The following CNBD1 variants were observed in gnomAD, a reference collection of about 807,000 sequenced individuals.
CNBD1 encodes the protein cyclic nucleotide-binding domain-containing protein 1.
In CNBD1, 71 loss-of-function variants were observed where a neutral mutation model predicts 54.4. The observed-to-expected ratio is 1.30, with a 90% CI of 1.08 to 1.59. The LOEUF is 1.59. Ranked by LOEUF, CNBD1 falls within the 40% of genes most tolerant of loss-of-function variation. The pLI is 0.00. For missense variants in CNBD1, 659 were observed against 518.0 expected, an observed-to-expected ratio of 1.27 and a Z score of -2.64; for synonymous variants, 182 against 170.7, an observed-to-expected ratio of 1.07 and a Z score of -0.51.
At chr8:87,408,787 C>A (rs368701559) in intron 2 of CNBD1, among the ~76,000 whole-genome samples, 45 of 152,164 alleles carry the variant, frequency 3.0e-4, no homozygotes, top group South Asian at 2.1e-3. Context: ...ATTATTACAT[C>A]TTTTATCGTG....
At chr8:86,874,388 A>T (rs1808484669) in intron 1 of CNBD1, among the ~76,000 whole-genome samples, 1 of 152,252 alleles carries the variant, frequency 6.6e-6, no homozygotes, top group African/African-American at 2.4e-5. Context: ...CACAGGAGTT[A>T]TTTCATGTTC....
intron 6 of CNBD1, among the ~76,000 whole-genome samples, chr8:87,276,665 A>G (rs1032158532): frequency 6.6e-6 from 1 of 151,894 alleles, no homozygotes; most frequent in Non-Finnish European, 1.5e-5. Context: ...AAAGCTGAAT[A>G]ACACCAAATT....
intron 8 of CNBD1, among the ~76,000 whole-genome samples, chr8:87,321,763 G>A (rs1336960824): frequency 6.6e-6 from 1 of 150,490 alleles, no homozygotes; most frequent in African/African-American, 2.4e-5. Context: ...AGAAATCATT[G>A]CCAAGACCAA....
intron 2 of CNBD1, among the ~76,000 whole-genome samples, chr8:87,428,052 C>A (rs983738817): frequency 7.9e-5 from 12 of 151,530 alleles, no homozygotes; most frequent in Non-Finnish European, 1.2e-4. Context: ...TCATACATGC[C>A]CATACTTAAA....
At chr8:86,870,189 C>CCTTTTTTTTTTTTTTTTTTTTT (rs1554626453) in intron 1 of CNBD1, among the ~76,000 whole-genome samples, 2 of 100,602 alleles carry the variant, frequency 2.0e-5, no homozygotes, top group East Asian at 3.2e-4. Context: ...AGATAGTACT[C>CCTTTTTTTTTTTTTTTTTTTTT]TTTTTTTTTT....
At chr8:87,246,077 TC>T (rs1245785915) in intron 6 of CNBD1, among the ~76,000 whole-genome samples, 52 of 152,122 alleles carry the variant, frequency 3.4e-4, no homozygotes, top group Admixed American at 9.2e-4. Context: ...CCGATTGTTT[TC>T]AGTTTTGGTG....
chr8:86,940,456 G>A (rs6468566), intron 4 of CNBD1, among the ~76,000 whole-genome samples: 45,557 of 151,910 alleles, frequency 0.3, 7,070 homozygotes, highest in East Asian at 0.38. Context: ...GTGAGCTTCC[G>A]CACCCGGCCC....
At chr8:87,257,206 T>C (rs994942864) in intron 6 of CNBD1, among the ~76,000 whole-genome samples, 6 of 135,300 alleles carry the variant, frequency 4.4e-5, no homozygotes, top group Admixed American at 7.1e-5. Context: ...CTGTCTCTAC[T>C]AAAAATAAAA....
chr8:87,122,754 TC>T (rs1482879416), intron 4 of CNBD1, among the ~76,000 whole-genome samples: 1 of 151,836 alleles, frequency 6.6e-6, no homozygotes, highest in African/African-American at 2.4e-5. Flanking sequence ...GAGATAAAGG[TC>T]CAATTTCATT....
rs976636758 is a variant in CNBD1, at chr8:87,382,677, A to T, written c.*50A>T. On this transcript the variant is annotated 3_prime_UTR_variant, in exon 11 of 11. Coordinates refer to ENST00000518476, the MANE Select transcript of CNBD1 (RefSeq NM_173538.3). ...TTAATTAAGAAAGTATTGACTAAATAATGGAATAATTGCATTCTGGAATAC... is the reference window on the plus strand; with the variant it reads ...TTAATTAAGAAAGTATTGACTAAATTATGGAATAATTGCATTCTGGAATAC... 7.3e-7 allele frequency: 1 copy of T among 1,362,224 alleles called. No homozygotes were observed. The highest frequency in any genetic ancestry group is 1.0e-6 in the Non-Finnish European group (1 of 981,322). 84.4% of individuals were successfully genotyped at this position (1,362,224 alleles called of 1,614,324 possible). A position where few individuals can be genotyped will look rare whatever the true frequency, so the allele number is the denominator to read the frequency against.
chr8:87,390,885 T>C (rs957329510), intron 2 of CNBD1, among the ~76,000 whole-genome samples: 3 of 152,156 alleles, frequency 2.0e-5, no homozygotes, highest in Admixed American at 2.0e-4. Context: ...ATATGGCACA[T>C]ATACACTATG....
chr8:87,358,975 T>G (rs2130934755), intron 10 of CNBD1, among the ~76,000 whole-genome samples: 1 of 152,266 alleles, frequency 6.6e-6, no homozygotes, highest in South Asian at 2.1e-4. Context: ...TGTTGGTGGA[T>G]TTTCCTTAAT....
At chr8:87,365,762 G>T (rs1007777918) in intron 10 of CNBD1, among the ~76,000 whole-genome samples, 1 of 151,956 alleles carries the variant, frequency 6.6e-6, no homozygotes, top group Non-Finnish European at 1.5e-5. Flanking sequence ...ATGGGTTTAT[G>T]CATGCCTCTA....
At chr8:87,339,741 C>T (rs1810027192) in intron 8 of CNBD1, among the ~76,000 whole-genome samples, 2 of 151,998 alleles carry the variant, frequency 1.3e-5, no homozygotes, top group Admixed American at 1.3e-4. Context: ...ATAGTTATAA[C>T]TGTCTATTTA....
intron 2 of CNBD1, among the ~76,000 whole-genome samples, chr8:86,894,857 T>G (rs1229623612): frequency 6.6e-6 from 1 of 152,212 alleles, no homozygotes; most frequent in Non-Finnish European, 1.5e-5. Context: ...TATCAGAGAT[T>G]AGATAATTTA....
chr8:87,379,926 A>G (rs1370571651), intron 10 of CNBD1, among the ~76,000 whole-genome samples: 2 of 151,894 alleles, frequency 1.3e-5, no homozygotes, highest in African/African-American at 4.8e-5. Flanking sequence ...AAATATGACC[A>G]AATGATTTAC....
intron 6 of CNBD1, among the ~76,000 whole-genome samples, chr8:87,251,715 T>C (rs1278993966): frequency 6.6e-6 from 1 of 152,114 alleles, no homozygotes; most frequent in Admixed American, 6.6e-5. Flanking sequence ...ATATATTTCA[T>C]CACGCTATTT....
At chr8:87,215,639 G>A (rs1814194294) in intron 5 of CNBD1, among the ~76,000 whole-genome samples, 1 of 151,436 alleles carries the variant, frequency 6.6e-6, no homozygotes, top group Non-Finnish European at 1.5e-5. Flanking sequence ...GTATTCTAAC[G>A]TTAGATTGTG....
chr8:87,078,636 G>A (rs1810923183), intron 4 of CNBD1, among the ~76,000 whole-genome samples: 1 of 152,122 alleles, frequency 6.6e-6, no homozygotes, highest in Admixed American at 6.5e-5. Flanking sequence ...TGGAAACAGA[G>A]GACTGAAAGG....
Sources: allele counts gnomAD v4.1 joint callset (sites outside exome capture counted in the v4.1 genomes callset), GRCh38; gene constraint gnomAD v4.1.1; transcripts MANE v1.5; gene names NCBI Gene and HGNC (gene_info 2026-07-23, HGNC 2026-07-21).